Variants in SHE observed in about 807,000 individuals in gnomAD.
SHE encodes SH2 domain-containing adapter protein E.
SHE carries 11 observed loss-of-function variants against 49.8 expected under a neutral mutation model. The observed-to-expected ratio is 0.22, with a 90% CI of 0.14 to 0.37. The LOEUF (loss-of-function observed/expected upper bound fraction) is 0.37, where lower values mean the gene tolerates loss of function less well. SHE is among the 10% of genes least tolerant of loss of function. SHE has a pLI of 1.00. For synonymous variants in SHE, 310 were observed against 278.1 expected, an observed-to-expected ratio of 1.11 and a Z score of -1.14; for missense variants, 624 against 655.5, an observed-to-expected ratio of 0.95 and a Z score of 0.52.
At chr1:154,496,263 T>C (rs2149297948) in intron 2 of SHE, among the ~76,000 whole-genome samples, 1 of 152,330 alleles carries the variant, frequency 6.6e-6, no homozygotes, top group Admixed American at 6.5e-5. Context: ...CAAAGTATAC[T>C]TAGATCACTA....
rs759967821 is a variant in SHE at position 154,486,703 on chromosome 1, TAAC to T, written c.1025-23_1025-21del. 6.2e-7 allele frequency: 1 copy of T among 1,613,450 alleles called. No homozygotes were observed. The highest frequency in any genetic ancestry group is 8.5e-7 in the Non-Finnish European group (1 of 1,179,954). ...ACTGGACTGGAAGGAAGACTCCATT[TAAC>T]ATCACAGGCCACTGCGGTGACCCAT... On this transcript the variant is annotated intron_variant, in intron 3 of 5. Coordinates refer to ENST00000304760, the MANE Select transcript of SHE (RefSeq NM_001010846.3).
At position 154,481,864 on chromosome 1, in the gene SHE, T is replaced by G. The variant is rs1692026633; in HGVS notation, c.*2285A>C. The G allele has an allele frequency of 2.2e-6, 2 of 912,492 alleles. No individual in the cohort carries two copies. The highest frequency in any genetic ancestry group is 2.6e-6 in the Non-Finnish European group (2 of 763,628). 56.5% of individuals were successfully genotyped at this position (912,492 alleles called of 1,614,324 possible). Reference sequence around the variant, plus strand: ...CCTTTTGGTTTTTTGTTTGCTTGCTTGTTGAGACAGGGTCTCACTCTGTCA... The same window carrying G: ...CCTTTTGGTTTTTTGTTTGCTTGCTGGTTGAGACAGGGTCTCACTCTGTCA... On this transcript the variant is annotated 3_prime_UTR_variant, in exon 6 of 6. Transcript: ENST00000304760.
chr1:154,487,122 A>G (rs1426993698), intron 3 of SHE, among the ~76,000 whole-genome samples: 2 of 152,088 alleles, frequency 1.3e-5, no homozygotes, highest in Non-Finnish European at 2.9e-5. Context: ...AAATACAAAA[A>G]GTAGCTGGGC....
rs5777915 is a variant in SHE, at chr1:154,483,837, CAA to C, written c.*310_*311del. ...CGAAACCCCATCTCTACTAAAAATA[CAA>C]AAAAAAAAATTAGCTGGGAGTGGTG... On this transcript the variant is annotated 3_prime_UTR_variant, in exon 6 of 6. Transcript: ENST00000304760. 4,762 of 593,228 alleles carry C rather than the reference CAA, an allele frequency of 8.0e-3. No individual in the cohort carries two copies. Among genetic ancestry groups the C allele is most frequent in the Middle Eastern group, 0.011 (14 of 1,278 alleles). The allele number at this position is 593,228 out of a possible 1,614,324, so 36.7% of individuals were successfully genotyped here. A position where few individuals can be genotyped will look rare whatever the true frequency, so the allele number is the denominator to read the frequency against.
At chr1:154,499,687 G>C (rs575573720) in intron 1 of SHE, among the ~76,000 whole-genome samples, 58 of 152,274 alleles carry the variant, frequency 3.8e-4, no homozygotes, top group African/African-American at 1.2e-3. Context: ...GCACTGGCTA[G>C]GCACTGTGAA....
intron 2 of SHE, among the ~76,000 whole-genome samples, chr1:154,491,607 T>C (rs1692367721): frequency 6.6e-6 from 1 of 152,274 alleles, no homozygotes; most frequent in Non-Finnish European, 1.5e-5. Flanking sequence ...ATTTTCAATT[T>C]GGTGGAGTCT....
At chr1:154,490,228 G>C (rs1212344882) in intron 2 of SHE, among the ~76,000 whole-genome samples, 2 of 152,198 alleles carry the variant, frequency 1.3e-5, no homozygotes, top group Non-Finnish European at 2.9e-5. Flanking sequence ...ATAAATCAAA[G>C]TAAAAGAAGT....
Position 154,486,562 on chromosome 1 carries a change from C to T in SHE, c.1146G>A (p.Glu382=). 6.2e-7 allele frequency: 1 copy of T among 1,614,196 alleles called. No homozygotes were observed. Among genetic ancestry groups the T allele is most frequent in the South Asian group, 1.1e-5 (1 of 91,074 alleles). ...CCAGGGGCAGGCCCGGGTCCACTTT[C>T]TCTCCCTCACTGTGGTCCGAGAGGG... The part of the protein sequence containing the change: ...KPALSDHSEG[E]KVDPGLPLEK... Residue 382 remains glutamate (E), a synonymous_variant, in exon 4 of 6, where the codon GAG becomes GAA. Coordinates refer to ENST00000304760, the MANE Select transcript of SHE (RefSeq NM_001010846.3).
At position 154,486,492 on chromosome 1, in the gene SHE, GTTGTCTGTTACAAGGATC is replaced by G. The variant is rs1457331542; in HGVS notation, c.1181+17_1181+34del. 2.5e-6 allele frequency: 4 copies of G among 1,609,476 alleles called. No individual in the cohort carries two copies. Among genetic ancestry groups the G allele is most frequent in the Non-Finnish European group, 3.4e-6 (4 of 1,177,310 alleles). The stretch of plus-strand genomic sequence containing the variant: ...GATACAAAGCTGTAAGCTCCCAGCT[GTTGTCTGTTACAAGGATC>G]TGAGGAGGAGACTCACGGCTGCTTC... On this transcript the variant is annotated intron_variant, in intron 4 of 5. Transcript: ENST00000304760.
In SHE at chr1:154,479,517, A is replaced by G; in HGVS notation, c.*4632T>C. ...TAATGTTTATTTAAAGTTACATTTC[A>G]GAGGAAACTATCTTCAGGAGGGCAT... On this transcript the variant is annotated 3_prime_UTR_variant, in exon 6 of 6. Transcript: ENST00000304760. The G allele has an allele frequency of 1.0e-6, 1 of 985,396 alleles. No homozygotes were observed. The highest frequency in any genetic ancestry group is 1.2e-6 in the Non-Finnish European group (1 of 829,874). 61.0% of individuals were successfully genotyped at this position (985,396 alleles called of 1,614,324 possible). A position where few individuals can be genotyped will look rare whatever the true frequency, so the allele number is the denominator to read the frequency against.
In SHE at chr1:154,479,742, C is replaced by T. The variant is rs4393148; in HGVS notation, c.*4407G>A. The T allele has an allele frequency of 0.98, 967,267 of 985,324 alleles. 477,106 individuals carry two copies. The highest frequency in any genetic ancestry group is 1 in the East Asian group (8,812 of 8,812). The allele number at this position is 985,324 out of a possible 1,614,324, so 61.0% of individuals were successfully genotyped here. The stretch of plus-strand genomic sequence containing the variant: ...CGGCTAAGAACTTGACAAAATGAGA[C>T]GCCTGTTTCAATGATTCTGTTGCCA... On this transcript the variant is annotated 3_prime_UTR_variant, in exon 6 of 6. Transcript: ENST00000304760.
At chr1:154,495,015 G>A (rs927391478) in intron 2 of SHE, among the ~76,000 whole-genome samples, 12 of 152,352 alleles carry the variant, frequency 7.9e-5, no homozygotes, top group African/African-American at 2.9e-4. Flanking sequence ...TTGCACCACT[G>A]CACTCCAGCC....
chr1:154,471,686 TC>T (rs1691747667), intron 1 of SHE, among the ~76,000 whole-genome samples: 3 of 14,742 alleles, frequency 2.0e-4, no homozygotes, highest in African/African-American at 4.0e-4. Flanking sequence ...CAGTACTCTC[TC>T]TCTCTCTCTC....
chr1:154,496,218 A>G (rs1402377687), intron 2 of SHE, among the ~76,000 whole-genome samples: 1 of 152,246 alleles, frequency 6.6e-6, no homozygotes, highest in Non-Finnish European at 1.5e-5. Context: ...AAGAAACTTT[A>G]AAATCCACGA....
intron 1 of SHE, among the ~76,000 whole-genome samples, chr1:154,473,449 C>T (rs958744836): frequency 4.6e-5 from 7 of 151,308 alleles, no homozygotes; most frequent in East Asian, 2.0e-4. Flanking sequence ...TACTCCAGCC[C>T]GGGCAACAGG....
chr1:154,484,515 C>T (rs957916263), intron 5 of SHE, 180 bp from the exon 6 acceptor site: 21 of 558,942 alleles, frequency 3.8e-5, no homozygotes, highest in South Asian at 7.7e-5. Flanking sequence ...ACAGTCTAAA[C>T]GCATGTAATC....
downstream of SHE, among the ~76,000 whole-genome samples, chr1:154,475,047 T>C (rs1347809196): frequency 6.6e-6 from 1 of 151,994 alleles, no homozygotes; most frequent in African/African-American, 2.4e-5. Flanking sequence ...AAATGACTAA[T>C]CTGGTCTAGG....
chr1:154,500,853 T>A (rs1692700245), intron 1 of SHE, among the ~76,000 whole-genome samples: 2 of 152,218 alleles, frequency 1.3e-5, no homozygotes, highest in Non-Finnish European at 2.9e-5. Flanking sequence ...CCTTTCCTCA[T>A]ATGGCTGCTG....
chr1:154,478,706 A>C (rs919151212), downstream of SHE, among the ~76,000 whole-genome samples: 2 of 152,086 alleles, frequency 1.3e-5, no homozygotes, highest in African/African-American at 4.8e-5. Context: ...AACATTCAAC[A>C]CTCAAACCCT....
Sources: gnomAD v4.1 joint callset for allele counts (sites outside exome capture counted in the v4.1 genomes callset) on GRCh38, gnomAD v4.1.1 for gene constraint, MANE v1.5 for transcripts, NCBI Gene and HGNC (gene_info 2026-07-23, HGNC 2026-07-21) for gene names.